PDE8B: variants seen among roughly 807,000 people sequenced by gnomAD.
The protein encoded by PDE8B is phosphodiesterase 8B, also known as high affinity cAMP-specific and IBMX-insensitive 3',5'-cyclic phosphodiesterase 8B.
PDE8B carries 26 observed loss-of-function variants against 101.3 expected under a neutral mutation model. The ratio of observed to expected loss-of-function variants is 0.26; its 90% CI spans 0.19 to 0.36. The LOEUF is 0.36. Among genes scored for constraint, PDE8B ranks in the 10% least tolerant of loss-of-function variants. The pLI, the probability that PDE8B is intolerant of heterozygous loss-of-function variation, is 1.00. For synonymous variants in PDE8B, 424 were observed against 429.3 expected (o/e 0.99, Z 0.15); for missense variants, 810 against 1,163.1 (o/e 0.70, Z 4.42).
At chr5:77,412,821 G>A (rs983414733) in intron 16 of PDE8B, among the ~76,000 whole-genome samples, 1 of 152,138 alleles carries the variant, frequency 6.6e-6, no homozygotes, top group Non-Finnish European at 1.5e-5. Context: ...TGGGGATGGA[G>A]AGGGACTGCC....
chr5:77,346,388 C>T (rs1561560061), intron 7 of PDE8B, among the ~76,000 whole-genome samples: 1 of 152,184 alleles, frequency 6.6e-6, no homozygotes, highest in Non-Finnish European at 1.5e-5. Flanking sequence ...TTGCTTTGCA[C>T]CTCCCTGTTT....
the PDE8B span, chr5:77,106,323 A>C: frequency 6.6e-6 from 1 of 152,160 alleles, no homozygotes; most frequent in Admixed American, 6.5e-5. Flanking sequence ...CTATTATATA[A>C]TTTGAGTTAA....
chr5:77,097,304 A>T, the PDE8B span, among the ~76,000 whole-genome samples: 2 of 152,124 alleles, frequency 1.3e-5, no homozygotes, highest in Non-Finnish European at 2.9e-5. Context: ...CTTCATCAGA[A>T]CCTCAGAATT....
intron 2 of PDE8B, among the ~76,000 whole-genome samples, chr5:77,317,524 T>G (rs1029812746): frequency 3.3e-5 from 5 of 152,176 alleles, no homozygotes; most frequent in African/African-American, 1.2e-4. Flanking sequence ...GGATTGGAAG[T>G]GCAGAGTGGT....
At chr5:77,280,960 G>A (rs943571291) in intron 1 of PDE8B, among the ~76,000 whole-genome samples, 9 of 152,208 alleles carry the variant, frequency 5.9e-5, no homozygotes, top group Non-Finnish European at 1.2e-4. Context: ...TGCACAGACT[G>A]CCGGCCCAGA....
At chr5:77,122,883 C>T in the PDE8B span, among the ~76,000 whole-genome samples, 1 of 152,076 alleles carries the variant, frequency 6.6e-6, no homozygotes, top group Non-Finnish European at 1.5e-5. Context: ...TTGTGATCCC[C>T]ATGAAAAGGA....
the PDE8B span, among the ~76,000 whole-genome samples, chr5:77,184,333 G>C: frequency 2.6e-5 from 4 of 152,138 alleles, no homozygotes; most frequent in Non-Finnish European, 5.9e-5. Context: ...CTGATTTGGG[G>C]TCCAATTCTT....
chr5:77,329,824 A>G (rs530757735), intron 4 of PDE8B, among the ~76,000 whole-genome samples: 1 of 152,312 alleles, frequency 6.6e-6, no homozygotes, highest in African/African-American at 2.4e-5. Flanking sequence ...GCATTATGGC[A>G]TTTGGCACAA....
intron 10 of PDE8B, among the ~76,000 whole-genome samples, chr5:77,390,466 C>T (rs1789676603): frequency 6.6e-6 from 1 of 152,134 alleles, no homozygotes; most frequent in Non-Finnish European, 1.5e-5. Context: ...TTCGGTTTCC[C>T]CAGTAACACA....
intron 1 of PDE8B, among the ~76,000 whole-genome samples, chr5:77,280,294 T>C (rs1323156876): frequency 6.6e-6 from 1 of 152,170 alleles, no homozygotes; most frequent in African/African-American, 2.4e-5. Context: ...AGCCCTCCCC[T>C]GGAAGGATTG....
At chr5:77,191,544 G>A in the PDE8B span, among the ~76,000 whole-genome samples, 1,308 of 151,838 alleles carry the variant, frequency 8.6e-3, 65 homozygotes, top group East Asian at 0.15. Flanking sequence ...TAGTAGAGAC[G>A]GGGTTTCACC....
At chr5:77,422,102 C>T in intron 20 of PDE8B, 114 bp downstream of exon 20, 1 of 1,156,674 alleles carries the variant, frequency 8.6e-7, no homozygotes, top group Non-Finnish European at 1.3e-6. Flanking sequence ...TTAACCACTC[C>T]TCCCTGGAAG....
the PDE8B span, among the ~76,000 whole-genome samples, chr5:77,198,044 G>A: frequency 6.6e-6 from 1 of 151,990 alleles, no homozygotes; most frequent in East Asian, 1.9e-4. Context: ...GCTAGACATT[G>A]TGAATGTCTA....
At chr5:77,207,751 C>A (rs552103567), upstream of PDE8B, among the ~76,000 whole-genome samples, 3 of 152,320 alleles carry the variant, frequency 2.0e-5, no homozygotes, top group Admixed American at 6.5e-5. Context: ...CACTTGCACA[C>A]TTCTGCAAGT....
chr5:77,143,437 A>G, the PDE8B span, among the ~76,000 whole-genome samples: 3 of 140,250 alleles, frequency 2.1e-5, no homozygotes, highest in African/African-American at 7.6e-5. Context: ...TCTTTGTAAC[A>G]ATGAGCTATG....
intron 5 of PDE8B, among the ~76,000 whole-genome samples, chr5:77,334,055 A>C (rs964875683): frequency 1.3e-5 from 2 of 152,242 alleles, no homozygotes; most frequent in Non-Finnish European, 2.9e-5. Flanking sequence ...GCACACCATC[A>C]GCTGAGACTG....
intron 10 of PDE8B, among the ~76,000 whole-genome samples, chr5:77,355,363 C>T (rs1354561647): frequency 1.3e-5 from 2 of 152,214 alleles, no homozygotes; most frequent in South Asian, 4.1e-4. Flanking sequence ...ATACCTCTGG[C>T]TAACTACAGT....
the PDE8B span, among the ~76,000 whole-genome samples, chr5:77,200,661 G>A: frequency 2.6e-5 from 4 of 152,132 alleles, no homozygotes; most frequent in Non-Finnish European, 4.4e-5. Flanking sequence ...TGTGATCCCT[G>A]AGTAAGTAGC....
intron 1 of PDE8B, among the ~76,000 whole-genome samples, chr5:77,299,175 G>A: frequency 6.6e-6 from 1 of 152,192 alleles, no homozygotes; most frequent in East Asian, 1.9e-4. Flanking sequence ...TTCCAGGAGA[G>A]TGGAGCCCAT....
Sources: allele counts gnomAD v4.1 joint callset (sites outside exome capture counted in the v4.1 genomes callset), GRCh38; gene constraint gnomAD v4.1.1; transcripts MANE v1.5; gene names NCBI Gene and HGNC (gene_info 2026-07-23, HGNC 2026-07-21).